PCDH7: variants seen among roughly 807,000 people sequenced by gnomAD.
PCDH7 encodes protocadherin 7.
In PCDH7, 17 loss-of-function variants were observed where a neutral mutation model predicts 58.9. The observed-to-expected ratio is 0.29, with a 90% CI of 0.20 to 0.43. PCDH7 has a LOEUF of 0.43. Ranked by LOEUF, PCDH7 falls within the 20% of genes least tolerant of loss-of-function variation. The pLI is 1.00. For missense variants in PCDH7, 1,274 were observed against 1,441.0 expected (o/e 0.88, Z 1.88); for synonymous variants, 664 against 616.4 (o/e 1.08, Z -1.14).
At chr4:31,062,298 A>G (rs1204390004) in intron 3 of PCDH7, among the ~76,000 whole-genome samples, 1 of 151,726 alleles carries the variant, frequency 6.6e-6, no homozygotes, top group Non-Finnish European at 1.5e-5. Flanking sequence ...CTCTATTTCC[A>G]AGTCTAATTT....
At position 31,095,247 on chromosome 4, in the gene PCDH7, T is replaced by C. The variant is rs6812949; in HGVS notation, c.*8-47226T>C. 1.4e-3 allele frequency among the ~76,000 whole-genome samples: 217 copies of C among 152,262 alleles called. 1 individual carries two copies. Among genetic ancestry groups the C allele is most frequent in the African/African-American group, 4.9e-3 (203 of 41,558 alleles). ...TAGATTTTGTAACTAGCTTAAATTA[T>C]ATTTCTTTGATCTAGTGAGTCCCTC... is the stretch of plus-strand genomic sequence containing the variant. On this transcript the variant is annotated intron_variant, in intron 3 of 3. Transcript: ENST00000509759.
chr4:30,859,703 GT>G (rs1578075106), intron 1 of PCDH7, among the ~76,000 whole-genome samples: 1 of 152,036 alleles, frequency 6.6e-6, no homozygotes, highest in East Asian at 1.9e-4. Flanking sequence ...ACCCCGCAAA[GT>G]GCTGGGATTA....
chr4:30,979,275 G>A lies in PCDH7; in HGVS notation c.*7+29060G>A, dbSNP rs190700158. The stretch of plus-strand genomic sequence containing the variant: ...CAGGAGGAGGAGCTTGCAGTGAGCC[G>A]AGGTGGTGCCACTGCACTCCAGCCT... On this transcript the variant is annotated intron_variant, in intron 3 of 3. Transcript: ENST00000509759. Among the ~76,000 whole-genome samples, 519 of 149,730 alleles carry A rather than the reference G, an allele frequency of 3.5e-3. 2 individuals carry two copies. The highest frequency in any genetic ancestry group is 5.4e-3 in the Non-Finnish European group (363 of 67,730).
chr4:30,872,194 A>C (rs1735703497), intron 1 of PCDH7, among the ~76,000 whole-genome samples: 1 of 152,100 alleles, frequency 6.6e-6, no homozygotes, highest in Non-Finnish European at 1.5e-5. Flanking sequence ...AATAGATTAA[A>C]TATAAAACGA....
At chr4:30,946,690 T>TTGTGTGTG (rs112524366) in intron 2 of PCDH7, among the ~76,000 whole-genome samples, 4,318 of 137,562 alleles carry the variant, frequency 0.031, 92 homozygotes, top group African/African-American at 0.057. Context: ...CTTATCTCTT[T>TTGTGTGTG]TGTGTGTGTG....
chr4:30,979,533 T>C (rs1014021815), intron 3 of PCDH7, among the ~76,000 whole-genome samples: 2 of 151,936 alleles, frequency 1.3e-5, no homozygotes, highest in Non-Finnish European at 2.9e-5. Flanking sequence ...TTTTGCAATA[T>C]AATCTGATAA....
intron 1 of PCDH7, among the ~76,000 whole-genome samples, chr4:30,763,803 T>C (rs1479626256): frequency 6.6e-6 from 1 of 152,228 alleles, no homozygotes; most frequent in East Asian, 1.9e-4. Flanking sequence ...TTCTTCTTAC[T>C]TTACTATAAA....
At chr4:30,961,073 A>AT (rs1748370650) in intron 3 of PCDH7, among the ~76,000 whole-genome samples, 1 of 151,966 alleles carries the variant, frequency 6.6e-6, no homozygotes. Context: ...TTAAAAGACT[A>AT]TTTTCTCTCT....
chr4:30,956,683 T>A (rs1288157619), intron 3 of PCDH7, among the ~76,000 whole-genome samples: 1 of 152,170 alleles, frequency 6.6e-6, no homozygotes, highest in African/African-American at 2.4e-5. Flanking sequence ...TTATGAAAAT[T>A]TCCTTTTGAA....
chr4:30,959,891 A>G (rs1217989014), intron 3 of PCDH7, among the ~76,000 whole-genome samples: 2 of 152,004 alleles, frequency 1.3e-5, no homozygotes, highest in South Asian at 2.1e-4. Flanking sequence ...ATGAAAGAGG[A>G]TATATACTTA....
Position 30,722,367 on chromosome 4 carries a change from C to T in PCDH7, c.945C>T (p.Ala315=), listed in dbSNP as rs1713781677. ...GCTTCGAGAAGAGCGTGTACGAGGC[C>T]GACTTGGCTGAGAACAGCGCCCCGG... The change falls in exon 1 of 2, where the codon GCC becomes GCT. Residue 315 remains alanine (A), a synonymous_variant. Transcript: ENST00000361762. The surrounding 1 kb of genome is among the most constrained non-coding windows in gnomAD (Gnocchi z 7.6). 1 of 1,612,356 alleles carries T rather than the reference C, an allele frequency of 6.2e-7. No individual in the cohort carries two copies. Among genetic ancestry groups the T allele is most frequent in the Non-Finnish European group, 8.5e-7 (1 of 1,179,872 alleles).
chr4:31,000,856 G>A (rs190641438), intron 3 of PCDH7, among the ~76,000 whole-genome samples: 182 of 152,168 alleles, frequency 1.2e-3, no homozygotes, highest in African/African-American at 4.1e-3. Flanking sequence ...AAATGGAGGA[G>A]CTATTACTAT....
At chr4:30,853,049 A>G (rs1338856972) in intron 1 of PCDH7, among the ~76,000 whole-genome samples, 4 of 152,042 alleles carry the variant, frequency 2.6e-5, no homozygotes, top group East Asian at 1.9e-4. Context: ...AGAAAGTGAC[A>G]TGATTGATTA....
At chr4:30,864,468 C>CACAT (rs5857209) in intron 1 of PCDH7, among the ~76,000 whole-genome samples, 16 of 144,168 alleles carry the variant, frequency 1.1e-4, no homozygotes, top group African/African-American at 4.1e-4. Flanking sequence ...CACACACACA[C>CACAT]ATTTTTTGTT....
At chr4:31,004,662 G>A (rs1273679090) in intron 3 of PCDH7, among the ~76,000 whole-genome samples, 1 of 152,044 alleles carries the variant, frequency 6.6e-6, no homozygotes, top group Admixed American at 6.6e-5. Flanking sequence ...CTCCAGCCTG[G>A]GCAACAGAGC....
intron 1 of PCDH7, among the ~76,000 whole-genome samples, chr4:30,843,683 C>G (rs1166166583): frequency 6.6e-6 from 1 of 152,098 alleles, no homozygotes; most frequent in Non-Finnish European, 1.5e-5. Context: ...AACAAACTTG[C>G]TCTTGCACTA....
intron 1 of PCDH7, among the ~76,000 whole-genome samples, chr4:30,901,012 TAATA>T (rs1414573335): frequency 2.0e-5 from 3 of 152,174 alleles, no homozygotes; most frequent in African/African-American, 7.2e-5. Flanking sequence ...ATATAGTATC[TAATA>T]AATAAAACTC....
chr4:31,066,259 T>C (rs890158409), intron 3 of PCDH7, among the ~76,000 whole-genome samples: 2 of 151,972 alleles, frequency 1.3e-5, no homozygotes, highest in Admixed American at 1.3e-4. Flanking sequence ...GGAGGCTCTG[T>C]TTCTTTCATG....
At chr4:31,041,116 G>A (rs563697867) in intron 3 of PCDH7, among the ~76,000 whole-genome samples, 7 of 152,094 alleles carry the variant, frequency 4.6e-5, no homozygotes, top group Non-Finnish European at 7.4e-5. Context: ...AACTCTATAA[G>A]GGATTTAGTT....
Sources: gnomAD v4.1 joint callset for allele counts (sites outside exome capture counted in the v4.1 genomes callset) on GRCh38, gnomAD v4.1.1 for gene constraint, Gnocchi (gnomAD v3.1) non-coding constraint, MANE v1.5 for transcripts, NCBI Gene and HGNC (gene_info 2026-07-23, HGNC 2026-07-21) for gene names.